The following SLC22A15 variants were observed in gnomAD, a reference collection of about 807,000 sequenced individuals.
The protein encoded by SLC22A15 is solute carrier family 22 member 15, also known as flipt 1.
SLC22A15 carries 45 observed loss-of-function variants against 62.7 expected under a neutral mutation model. That is an observed-to-expected ratio of 0.72 (90% CI 0.56 to 0.92). SLC22A15 has a LOEUF of 0.92. Among genes scored for constraint, SLC22A15 ranks in the 40% least tolerant of loss-of-function variants. The pLI, the probability that SLC22A15 is intolerant of heterozygous loss-of-function variation, is 0.00. For missense variants in SLC22A15, 622 were observed against 665.6 expected (o/e 0.93, Z 0.72); for synonymous variants, 264 against 267.0 (o/e 0.99, Z 0.11).
Position 116,008,971 on chromosome 1 carries a change from C to T in SLC22A15, c.301-10611C>T, listed in dbSNP as rs551438824. On this transcript the variant is annotated intron_variant, in intron 2 of 11. Transcript: ENST00000369503. ...CACCCCCACAAAACCCACTCAAGTA[C>T]GGTGGAAGTAGTAATGATTACATTA... Among the ~76,000 whole-genome samples, 18 of 152,230 alleles carry T rather than the reference C, an allele frequency of 1.2e-4. No individual in the cohort carries two copies. The South Asian group carries it at 2.1e-3, about 18-fold the overall frequency.
At chr1:116,012,869 C>T (rs1213808899) in intron 2 of SLC22A15, among the ~76,000 whole-genome samples, 1 of 152,168 alleles carries the variant, frequency 6.6e-6, no homozygotes, top group African/African-American at 2.4e-5. Flanking sequence ...GTGGAAGGAT[C>T]CTCTTTCATG....
chr1:116,005,502 C>A (rs909752593), intron 2 of SLC22A15, among the ~76,000 whole-genome samples: 4 of 152,136 alleles, frequency 2.6e-5, no homozygotes, highest in African/African-American at 7.3e-5. Context: ...GCCACATATA[C>A]AGTATATACA....
intron 1 of SLC22A15, among the ~76,000 whole-genome samples, chr1:115,982,880 T>C (rs1654682997): frequency 6.6e-6 from 1 of 152,246 alleles, no homozygotes; most frequent in South Asian, 2.1e-4. Flanking sequence ...GAGGAAGACA[T>C]GTTTCTGCCC....
chr1:115,989,216 G>A (rs1655030862), intron 1 of SLC22A15, among the ~76,000 whole-genome samples: 1 of 151,930 alleles, frequency 6.6e-6, no homozygotes, highest in Non-Finnish European at 1.5e-5. Context: ...TGAGAAAAGT[G>A]GAAAGTGCTT....
rs138388724 is a variant in SLC22A15, at chr1:115,991,887, T to C, written c.88-144T>C. The C allele has an allele frequency of 1.9e-3, 1,251 of 667,034 alleles. 10 individuals are homozygous for C. The highest frequency in any genetic ancestry group is 0.011 in the East Asian group (408 of 36,134). The allele number at this position is 667,034 out of a possible 1,614,324, so 41.3% of individuals were successfully genotyped here. ...AGGTTCTTTTTCATGTTTTTTTCCTTTGTTTCTGATGTGGCTTATATCTGT... is the reference window on the plus strand; with the variant it reads ...AGGTTCTTTTTCATGTTTTTTTCCTCTGTTTCTGATGTGGCTTATATCTGT... On this transcript the variant is annotated intron_variant, in intron 1 of 11. Coordinates refer to ENST00000369503, the MANE Select transcript of SLC22A15 (RefSeq NM_018420.3).
chr1:116,013,330 CCTGT>C (rs1385724438), intron 2 of SLC22A15, among the ~76,000 whole-genome samples: 5 of 152,076 alleles, frequency 3.3e-5, no homozygotes, highest in Admixed American at 6.6e-5. Flanking sequence ...ATTCTGTTAC[CCTGT>C]CTAAGTCAAA....
intron 1 of SLC22A15, among the ~76,000 whole-genome samples, chr1:115,979,106 G>A (rs986226251): frequency 1.3e-5 from 2 of 152,076 alleles, no homozygotes; most frequent in East Asian, 3.8e-4. Flanking sequence ...CTTCTTCTGG[G>A]ACCATTATTA....
At chr1:116,029,970 A>C (rs540025995) in intron 5 of SLC22A15, among the ~76,000 whole-genome samples, 1 of 152,328 alleles carries the variant, frequency 6.6e-6, no homozygotes, top group African/African-American at 2.4e-5. Flanking sequence ...AATAGCTCCT[A>C]TATGCCCCTA....
At chr1:116,026,848 C>T (rs1215733850) in intron 4 of SLC22A15, 45 bp from the exon 5 acceptor site, 2 of 1,604,692 alleles carry the variant, frequency 1.2e-6, no homozygotes, top group Non-Finnish European at 1.7e-6. Context: ...AATGGTGCTG[C>T]AGATGGTGCT....
Position 116,027,662 on chromosome 1 carries a change from G to A in SLC22A15, c.728+640G>A, listed in dbSNP as rs139193064. On this transcript the variant is annotated intron_variant, in intron 5 of 11. Transcript: ENST00000369503. ...TTTTTTGAGACGGAGTTTCGCCCTT[G>A]TTGCCCAGGCTGGAGTGCAATGGTG... 6.5e-3 allele frequency among the ~76,000 whole-genome samples: 991 copies of A among 151,324 alleles called. 13 individuals are homozygous for A. The highest frequency in any genetic ancestry group is 0.022 in the African/African-American group (918 of 41,242).
At chr1:116,023,453 T>G (rs1040409991) in intron 4 of SLC22A15, among the ~76,000 whole-genome samples, 13 of 152,242 alleles carry the variant, frequency 8.5e-5, no homozygotes, top group African/African-American at 3.1e-4. Flanking sequence ...ATACATGTAG[T>G]CCTATTCCCC....
At chr1:115,992,969 G>T (rs926401402) in intron 2 of SLC22A15, among the ~76,000 whole-genome samples, 1 of 152,018 alleles carries the variant, frequency 6.6e-6, no homozygotes, top group Non-Finnish European at 1.5e-5. Flanking sequence ...ACCATATGGG[G>T]CACCTTGACT....
chr1:116,027,333 G>T (rs1189495467), intron 5 of SLC22A15: 1 of 536,052 alleles, frequency 1.9e-6, no homozygotes, highest in Non-Finnish European at 3.7e-6. Context: ...CTTCAGACTG[G>T]ATCACATTAT....
rs561429328 is a variant in SLC22A15 at position 116,069,139 on chromosome 1, G to A, written c.*2031G>A. On this transcript the variant is annotated 3_prime_UTR_variant, in exon 12 of 12. Transcript: ENST00000369503. ...CCTGGGTTTCCTTTCTTAGCTATGG[G>A]GTGGAAGATAGGAGGGGGAGATCTA... 46 of 150,556 alleles carry A rather than the reference G, an allele frequency of 3.1e-4. No homozygotes were observed. The highest frequency in any genetic ancestry group is 1.1e-3 in the African/African-American group (44 of 40,914). 9.3% of individuals were successfully genotyped at this position (150,556 alleles called of 1,614,324 possible).
intron 8 of SLC22A15, among the ~76,000 whole-genome samples, chr1:116,046,889 G>T (rs72996755): frequency 6.6e-6 from 1 of 152,096 alleles, no homozygotes; most frequent in Non-Finnish European, 1.5e-5. Context: ...CTGGGAGCTC[G>T]CTGGTTCCCT....
chr1:115,999,748 C>T (rs1655626876), intron 2 of SLC22A15, among the ~76,000 whole-genome samples: 1 of 152,034 alleles, frequency 6.6e-6, no homozygotes, highest in African/African-American at 2.4e-5. Context: ...AGGCAGTCTG[C>T]CTGCCTCCAC....
chr1:116,051,761 G>T (rs2101534259), intron 8 of SLC22A15, among the ~76,000 whole-genome samples: 1 of 152,308 alleles, frequency 6.6e-6, no homozygotes, highest in South Asian at 2.1e-4. Context: ...ATGTCCAGCA[G>T]CTGCTCGAGG....
intron 7 of SLC22A15, among the ~76,000 whole-genome samples, chr1:116,035,973 C>A (rs888883506): frequency 2.0e-5 from 3 of 152,144 alleles, no homozygotes; most frequent in African/African-American, 7.2e-5. Flanking sequence ...TATGCCATTT[C>A]TTTTTCTCCA....
At chr1:116,052,467 C>T (rs1173628634) in intron 8 of SLC22A15, among the ~76,000 whole-genome samples, 1 of 152,244 alleles carries the variant, frequency 6.6e-6, no homozygotes, top group African/African-American at 2.4e-5. Flanking sequence ...CCTCTGGGGG[C>T]AGGGCACAGA....
Sources: gnomAD v4.1 joint callset for allele counts (sites outside exome capture counted in the v4.1 genomes callset) on GRCh38, gnomAD v4.1.1 for gene constraint, MANE v1.5 for transcripts, NCBI Gene and HGNC (gene_info 2026-07-23, HGNC 2026-07-21) for gene names.